The following NSMCE2 variants were observed in gnomAD, a reference collection of about 807,000 sequenced individuals.
NSMCE2 encodes the protein NSE2 SUMO ligase component of SMC5/6 complex, also known as E3 SUMO-protein ligase NSE2.
Under a neutral mutation model 23.8 loss-of-function variants are expected in NSMCE2, and 24 were observed. That is an observed-to-expected ratio of 1.01 (90% CI 0.73 to 1.42). NSMCE2 has a LOEUF of 1.42. Ranked by LOEUF, NSMCE2 falls within the 40% of genes most tolerant of loss-of-function variation. The pLI, the probability that NSMCE2 is intolerant of heterozygous loss-of-function variation, is 0.00. For missense variants in NSMCE2, 284 were observed against 296.5 expected (o/e 0.96, Z 0.31); for synonymous variants, 92 against 94.1 (o/e 0.98, Z 0.13).
chr8:125,345,300 A>G (rs971343482), intron 5 of NSMCE2, among the ~76,000 whole-genome samples: 5 of 152,268 alleles, frequency 3.3e-5, no homozygotes, highest in Non-Finnish European at 7.3e-5. Flanking sequence ...GGTATGACCT[A>G]CACGGTATAA....
chr8:125,137,808 T>G lies in NSMCE2; in HGVS notation c.158-13363T>G, dbSNP rs143169857. On this transcript the variant is annotated intron_variant, in intron 3 of 7. Coordinates refer to ENST00000287437, the MANE Select transcript of NSMCE2 (RefSeq NM_173685.4). Reference sequence around the variant, plus strand: ...ACTTTAGTTCAAGGTACTTAACCTCTCTGAGCCTGTATTTTCTTTCATAAG... The same window carrying G: ...ACTTTAGTTCAAGGTACTTAACCTCGCTGAGCCTGTATTTTCTTTCATAAG... Among the ~76,000 whole-genome samples, 4 of 152,330 alleles carry G rather than the reference T, an allele frequency of 2.6e-5. No homozygotes were observed. In the East Asian group the frequency reaches 7.7e-4, roughly 29 times the overall value.
At chr8:125,285,971 A>T (rs1274080236) in intron 5 of NSMCE2, among the ~76,000 whole-genome samples, 1 of 151,836 alleles carries the variant, frequency 6.6e-6, no homozygotes, top group East Asian at 1.9e-4. Flanking sequence ...GGCCATTAGG[A>T]TGTACCTTGG....
chr8:125,287,947 T>C (rs1827963947), intron 5 of NSMCE2, among the ~76,000 whole-genome samples: 2 of 151,932 alleles, frequency 1.3e-5, no homozygotes, highest in African/African-American at 4.8e-5. Flanking sequence ...GGGATCCTTC[T>C]CAACTAACTC....
chr8:125,365,328 C>T (rs1813732930), intron 7 of NSMCE2, among the ~76,000 whole-genome samples: 1 of 152,174 alleles, frequency 6.6e-6, no homozygotes, highest in Admixed American at 6.5e-5. Context: ...TCGGCAAGTC[C>T]TATAGGTTCT....
rs570007079 is a variant in NSMCE2 at position 125,263,251 on chromosome 8, C to T, written c.418+80995C>T. Among the ~76,000 whole-genome samples the T allele has an allele frequency of 7.9e-5, 12 of 152,290 alleles. No individual in the cohort carries two copies. In the South Asian group the frequency reaches 2.5e-3, roughly 32 times the overall value. The stretch of plus-strand genomic sequence containing the variant: ...CAAAGCGATTGAATATAAATCATTA[C>T]CTAATTGCCATTTCCCAGGGATCTA... On this transcript the variant is annotated intron_variant, in intron 5 of 7. Coordinates refer to ENST00000287437, the MANE Select transcript of NSMCE2 (RefSeq NM_173685.4).
intron 3 of NSMCE2, among the ~76,000 whole-genome samples, chr8:125,110,871 G>A (rs1818710701): frequency 7.1e-6 from 1 of 140,884 alleles, no homozygotes; most frequent in African/African-American, 2.6e-5. Context: ...TGGAGGTCAT[G>A]TATGGTCATG....
At chr8:125,134,514 A>G (rs1466355847) in intron 3 of NSMCE2, among the ~76,000 whole-genome samples, 1 of 152,144 alleles carries the variant, frequency 6.6e-6, no homozygotes, top group African/African-American at 2.4e-5. Context: ...TTTTCTAATG[A>G]TCATTAAAAT....
At chr8:125,305,906 A>C (rs977420446) in intron 5 of NSMCE2, among the ~76,000 whole-genome samples, 1 of 152,196 alleles carries the variant, frequency 6.6e-6, no homozygotes, top group African/African-American at 2.4e-5. Flanking sequence ...AAACAATAAC[A>C]ATCAGTTGTA....
intron 5 of NSMCE2, among the ~76,000 whole-genome samples, chr8:125,298,219 C>G (rs1004450276): frequency 6.6e-6 from 1 of 152,202 alleles, no homozygotes; most frequent in Non-Finnish European, 1.5e-5. Flanking sequence ...GAGATTGTGC[C>G]ACTGCACTCC....
chr8:125,127,527 CAAAG>C (rs1563666535), intron 3 of NSMCE2, among the ~76,000 whole-genome samples: 1 of 152,166 alleles, frequency 6.6e-6, no homozygotes, highest in Admixed American at 6.5e-5. Flanking sequence ...AACCAGTTAA[CAAAG>C]AAAGATTATG....
chr8:125,293,716 G>A (rs1282326430), intron 5 of NSMCE2, among the ~76,000 whole-genome samples: 1 of 152,140 alleles, frequency 6.6e-6, no homozygotes, highest in African/African-American at 2.4e-5. Context: ...TGAATGCTGT[G>A]AGAGATGATG....
intron 5 of NSMCE2, among the ~76,000 whole-genome samples, chr8:125,318,360 G>A (rs1027813398): frequency 2.6e-5 from 4 of 152,096 alleles, no homozygotes; most frequent in African/African-American, 7.2e-5. Context: ...CCAAGATCGC[G>A]CCACTGCACT....
intron 3 of NSMCE2, chr8:125,127,172 A>G (rs1481521833): frequency 6.6e-6 from 1 of 152,228 alleles, no homozygotes; most frequent in Non-Finnish European, 1.5e-5. Flanking sequence ...AAACAGTTAC[A>G]TGCTTTGCTG....
In NSMCE2 at chr8:125,282,886, G is replaced by A. The variant is rs371494633; in HGVS notation, c.419-74333G>A. On this transcript the variant is annotated intron_variant, in intron 5 of 7. Transcript: ENST00000287437. ...GACTCCACTTGAAAATATTTTTACC[G>A]AAATTATGGATGGAAACTATGAGAA... 1.4e-4 allele frequency among the ~76,000 whole-genome samples: 21 copies of A among 152,332 alleles called. No individual in the cohort carries two copies. In the East Asian group the frequency reaches 2.3e-3, roughly 17 times the overall value.
At chr8:125,285,343 C>T (rs1330296374) in intron 5 of NSMCE2, among the ~76,000 whole-genome samples, 1 of 152,022 alleles carries the variant, frequency 6.6e-6, no homozygotes, top group African/African-American at 2.4e-5. Flanking sequence ...GCTTGGGGTG[C>T]CTTGTTTCTA....
chr8:125,244,819 T>C (rs938027432), intron 5 of NSMCE2, among the ~76,000 whole-genome samples: 5 of 152,218 alleles, frequency 3.3e-5, no homozygotes, highest in African/African-American at 1.2e-4. Context: ...GACTTTTTTT[T>C]CAGAGTAAAT....
At chr8:125,111,648 A>G (rs1818754251) in intron 3 of NSMCE2, among the ~76,000 whole-genome samples, 1 of 152,108 alleles carries the variant, frequency 6.6e-6, no homozygotes, top group African/African-American at 2.4e-5. Context: ...AAAAATAGAA[A>G]AATTAGCTGG....
intron 3 of NSMCE2, among the ~76,000 whole-genome samples, chr8:125,102,871 C>T (rs959194858): frequency 1.3e-5 from 2 of 152,236 alleles, no homozygotes; most frequent in East Asian, 3.9e-4. Flanking sequence ...ATAGACTAAG[C>T]TTATGCTAGG....
At chr8:125,234,303 A>G (rs563423222) in intron 5 of NSMCE2, among the ~76,000 whole-genome samples, 1 of 152,360 alleles carries the variant, frequency 6.6e-6, no homozygotes, top group East Asian at 1.9e-4. Flanking sequence ...AAATGAACAA[A>G]TACATTTTGG....
Sources: allele counts gnomAD v4.1 joint callset (sites outside exome capture counted in the v4.1 genomes callset), GRCh38; gene constraint gnomAD v4.1.1; transcripts MANE v1.5; gene names NCBI Gene and HGNC (gene_info 2026-07-23, HGNC 2026-07-21).